The following TMEM217B variants were observed in gnomAD, a reference collection of about 807,000 sequenced individuals.
TMEM217B encodes putative transmembrane protein 217B.
chr6:37,230,053 TG>T, the TMEM217B span, among the ~76,000 whole-genome samples: 1 of 152,246 alleles, frequency 6.6e-6, no homozygotes, highest in Admixed American at 6.5e-5. Context: ...ACTTCCTTGC[TG>T]GCTGTTAGCT....
chr6:37,214,951 T>C, the TMEM217B span, among the ~76,000 whole-genome samples: 1 of 152,186 alleles, frequency 6.6e-6, no homozygotes. Flanking sequence ...CCACTACCCA[T>C]GGGGTACTCA....
At chr6:37,218,873 C>T in the TMEM217B span, 7 of 1,614,052 alleles carry the variant, frequency 4.3e-6, no homozygotes, top group East Asian at 2.2e-5. Context: ...TATGATGTTA[C>T]TTGCACCCCT....
chr6:37,215,162 A>G, the TMEM217B span: 1 of 1,605,786 alleles, frequency 6.2e-7, no homozygotes, highest in Non-Finnish European at 8.5e-7. Context: ...CCGCTAGCCA[A>G]GGTCCTCTGG....
chr6:37,252,539 T>C, the TMEM217B span, among the ~76,000 whole-genome samples: 2 of 151,034 alleles, frequency 1.3e-5, no homozygotes, highest in South Asian at 4.2e-4. Flanking sequence ...TATGTCAACA[T>C]GTATATGTTG....
chr6:37,257,967 C>T, the TMEM217B span: 6 of 1,614,032 alleles, frequency 3.7e-6, no homozygotes, highest in Admixed American at 3.3e-5. Context: ...GCTAAGCTGC[C>T]GGGGAGGTGA....
the TMEM217B span, among the ~76,000 whole-genome samples, chr6:37,242,072 TG>T: frequency 6.7e-6 from 1 of 148,864 alleles, no homozygotes; most frequent in African/African-American, 2.5e-5. Context: ...TAGAACCCCC[TG>T]AGTTCACCCA....
At chr6:37,248,178 C>T in the TMEM217B span, among the ~76,000 whole-genome samples, 23 of 152,218 alleles carry the variant, frequency 1.5e-4, no homozygotes, top group African/African-American at 5.5e-4. Flanking sequence ...GTATACACCT[C>T]CATTTTTATC....
the TMEM217B span, among the ~76,000 whole-genome samples, chr6:37,226,487 C>G: frequency 6.6e-6 from 1 of 150,552 alleles, no homozygotes; most frequent in South Asian, 2.1e-4. Context: ...TGAGTAGAGA[C>G]GGGGTTTCAC....
At chr6:37,251,463 T>C in the TMEM217B span, among the ~76,000 whole-genome samples, 2 of 152,196 alleles carry the variant, frequency 1.3e-5, no homozygotes, top group Non-Finnish European at 2.9e-5. Context: ...GAAATGAGAA[T>C]TGAGGAATAT....
chr6:37,222,020 GA>G, the TMEM217B span, among the ~76,000 whole-genome samples: 1 of 152,156 alleles, frequency 6.6e-6, no homozygotes, highest in Non-Finnish European at 1.5e-5. Context: ...GCTATCAGCA[GA>G]GAGGATAGCT....
the TMEM217B span, among the ~76,000 whole-genome samples, chr6:37,249,980 A>C: frequency 1.3e-5 from 2 of 152,242 alleles, no homozygotes; most frequent in African/African-American, 4.8e-5. Context: ...CAGAGTTCAT[A>C]GTGGCACAGA....
At chr6:37,220,718 G>A in the TMEM217B span, among the ~76,000 whole-genome samples, 30,488 of 151,940 alleles carry the variant, frequency 0.2, 3,797 homozygotes, top group Non-Finnish European at 0.28. Flanking sequence ...CATCCTCTAA[G>A]AATCTTCATC....
chr6:37,216,930 C>T, the TMEM217B span, among the ~76,000 whole-genome samples: 1 of 152,192 alleles, frequency 6.6e-6, no homozygotes, highest in Non-Finnish European at 1.5e-5. Context: ...ACCAAACCTA[C>T]TGGCACCTTG....
the TMEM217B span, among the ~76,000 whole-genome samples, chr6:37,235,511 A>G: frequency 7.2e-5 from 11 of 152,062 alleles, no homozygotes; most frequent in South Asian, 1.7e-3. Context: ...GACTACAGGC[A>G]CCCGCCACCA....
the TMEM217B span, chr6:37,218,755 C>G: frequency 1.9e-6 from 3 of 1,613,982 alleles, no homozygotes; most frequent in Admixed American, 5.0e-5. Context: ...TGACCAGGCC[C>G]CTGAAGATCT....
the TMEM217B span, among the ~76,000 whole-genome samples, chr6:37,229,274 G>A: frequency 6.6e-6 from 1 of 150,688 alleles, no homozygotes; most frequent in African/African-American, 2.4e-5. Flanking sequence ...CCCTTGTCCT[G>A]TGGGAGGTCG....
At chr6:37,219,549 TGG>T in the TMEM217B span, among the ~76,000 whole-genome samples, 3 of 152,114 alleles carry the variant, frequency 2.0e-5, no homozygotes, top group Admixed American at 6.6e-5. Flanking sequence ...AAGACCAGCC[TGG>T]ACAACATGGT....
At chr6:37,241,478 A>T in the TMEM217B span, among the ~76,000 whole-genome samples, 1 of 152,072 alleles carries the variant, frequency 6.6e-6, no homozygotes. Flanking sequence ...CCCTCCTCCA[A>T]CCTCAGTAAG....
chr6:37,243,838 T>C, the TMEM217B span, among the ~76,000 whole-genome samples: 3 of 152,120 alleles, frequency 2.0e-5, no homozygotes, highest in East Asian at 5.8e-4. Context: ...AATGCCATCA[T>C]AAGGATGTGG....
Sources: gnomAD v4.1 joint callset for allele counts (sites outside exome capture counted in the v4.1 genomes callset) on GRCh38, gnomAD v4.1.1 for gene constraint, MANE v1.5 for transcripts, NCBI Gene and HGNC (gene_info 2026-07-23, HGNC 2026-07-21) for gene names.